Variants in TRPS1 observed in about 807,000 individuals in gnomAD.
TRPS1 encodes transcriptional repressor GATA binding 1.
TRPS1 carries 6 observed loss-of-function variants against 101.2 expected under a neutral mutation model. That is an observed-to-expected ratio of 0.06 (90% confidence interval 0.03 to 0.12). The LOEUF (loss-of-function observed/expected upper bound fraction) is 0.12, where lower values mean the gene tolerates loss of function less well. TRPS1 is among the 10% of genes least tolerant of loss of function. TRPS1 has a pLI of 1.00. For missense variants in TRPS1, 1,363 were observed against 1,567.0 expected (o/e 0.87, Z 2.20); for synonymous variants, 578 against 589.8 (o/e 0.98, Z 0.29).
intron 3 of TRPS1, among the ~76,000 whole-genome samples, chr8:115,609,113 C>T (rs1157651479): frequency 6.6e-6 from 1 of 152,136 alleles, no homozygotes; most frequent in Non-Finnish European, 1.5e-5. Flanking sequence ...TCACAAAATG[C>T]TGGGATTACG....
chr8:115,573,356 GC>G (rs1817248252), intron 5 of TRPS1, among the ~76,000 whole-genome samples: 1 of 152,088 alleles, frequency 6.6e-6, no homozygotes, highest in South Asian at 2.1e-4. Flanking sequence ...GTAAAGCCTT[GC>G]CCATAGTTAG....
intron 5 of TRPS1, among the ~76,000 whole-genome samples, chr8:115,578,073 C>A (rs1399885107): frequency 6.6e-6 from 1 of 152,168 alleles, no homozygotes; most frequent in Non-Finnish European, 1.5e-5. Flanking sequence ...AAATCAATTT[C>A]TCTAAAGAAT....
At chr8:115,518,060 C>CT (rs1586356153) in intron 5 of TRPS1, among the ~76,000 whole-genome samples, 1 of 208 alleles carries the variant, frequency 4.8e-3, no homozygotes, top group Non-Finnish European at 9.4e-3. Context: ...AGGTCATATC[C>CT]CAGAAGAACT....
intron 5 of TRPS1, among the ~76,000 whole-genome samples, chr8:115,521,814 T>A (rs1815869625): frequency 6.6e-6 from 1 of 152,032 alleles, no homozygotes; most frequent in African/African-American, 2.4e-5. Context: ...CAAACTACTA[T>A]GACATTTTTT....
intron 5 of TRPS1, among the ~76,000 whole-genome samples, chr8:115,521,740 A>G (rs1304615036): frequency 6.6e-6 from 1 of 151,950 alleles, no homozygotes; most frequent in Admixed American, 6.6e-5. Context: ...TTTGTAGAAG[A>G]TACAACCTCA....
At chr8:115,593,679 C>T (rs1365769484) in intron 4 of TRPS1, among the ~76,000 whole-genome samples, 1 of 152,126 alleles carries the variant, frequency 6.6e-6, no homozygotes, top group African/African-American at 2.4e-5. Flanking sequence ...TTGGACTCTC[C>T]TCCAACCTAC....
intron 5 of TRPS1, among the ~76,000 whole-genome samples, chr8:115,484,421 C>A (rs1814829073): frequency 6.6e-6 from 1 of 152,022 alleles, no homozygotes; most frequent in African/African-American, 2.4e-5. Context: ...AATATCATGT[C>A]CCCATGATAG....
At chr8:115,623,314 A>G (rs886261333) in intron 2 of TRPS1, among the ~76,000 whole-genome samples, 7 of 152,068 alleles carry the variant, frequency 4.6e-5, no homozygotes, top group Non-Finnish European at 7.4e-5. Context: ...TTTTAAAAAA[A>G]TGTGCTTAAT....
intron 5 of TRPS1, among the ~76,000 whole-genome samples, chr8:115,514,438 C>T (rs1408715145): frequency 6.6e-6 from 1 of 151,528 alleles, no homozygotes; most frequent in East Asian, 1.9e-4. Context: ...ATCACTATAC[C>T]TCTTTTATTA....
chr8:115,494,496 G>A (rs1325064792), intron 5 of TRPS1, among the ~76,000 whole-genome samples: 1 of 152,188 alleles, frequency 6.6e-6, no homozygotes, highest in Non-Finnish European at 1.5e-5. Context: ...AAGAGGGTAG[G>A]AGCTAAGAGA....
rs373692492 is a variant in TRPS1, at chr8:115,459,248, C to T, written c.2701-40796G>A. 4.5e-4 allele frequency among the ~76,000 whole-genome samples: 69 copies of T among 152,082 alleles called. 1 individual carries two copies. In the South Asian group the frequency reaches 0.012, roughly 28 times the overall value. On this transcript the variant is annotated intron_variant, in intron 5 of 6. Coordinates refer to ENST00000395715, the MANE Select transcript of TRPS1 (RefSeq NM_014112.5). The stretch of plus-strand genomic sequence containing the variant: ...CAGCTACAGAAGAATGGTGTGAACC[C>T]GGGAGGCGGAGCTTGCAGTGAGCAG...
chr8:115,555,332 G>A (rs1161933432), intron 5 of TRPS1, among the ~76,000 whole-genome samples: 2 of 151,906 alleles, frequency 1.3e-5, no homozygotes, highest in East Asian at 1.9e-4. Context: ...GTAGGAGTAT[G>A]TAAGGTAAAT....
chr8:115,502,311 A>G (rs1022475588), intron 5 of TRPS1, among the ~76,000 whole-genome samples: 1 of 152,194 alleles, frequency 6.6e-6, no homozygotes, highest in African/African-American at 2.4e-5. Flanking sequence ...TGCTTAAAAC[A>G]GATGAGAAAA....
At chr8:115,538,644 T>C (rs925328012) in intron 5 of TRPS1, among the ~76,000 whole-genome samples, 1 of 152,164 alleles carries the variant, frequency 6.6e-6, no homozygotes, top group Non-Finnish European at 1.5e-5. Flanking sequence ...GCATTCATTT[T>C]TCTGTGACCA....
chr8:115,609,261 T>A (rs572278900), intron 3 of TRPS1, among the ~76,000 whole-genome samples: 4 of 152,190 alleles, frequency 2.6e-5, no homozygotes, highest in Non-Finnish European at 5.9e-5. Context: ...AAGTAAATTT[T>A]TCCTGCAAAT....
intron 5 of TRPS1, among the ~76,000 whole-genome samples, chr8:115,505,567 C>G (rs1175883081): frequency 1.3e-5 from 2 of 152,026 alleles, no homozygotes; most frequent in Admixed American, 1.3e-4. Flanking sequence ...AATTATAAAG[C>G]CTTCTGGTTT....
intron 5 of TRPS1, among the ~76,000 whole-genome samples, chr8:115,507,394 C>G (rs1393110119): frequency 6.6e-6 from 1 of 152,068 alleles, no homozygotes; most frequent in African/African-American, 2.4e-5. Context: ...GCTGCCAATT[C>G]TGGTTGTCTA....
rs552697348 is a variant in TRPS1, at chr8:115,626,128, G to C, written c.-121-2370C>G. Among the ~76,000 whole-genome samples, 6 of 151,474 alleles carry C rather than the reference G, an allele frequency of 4.0e-5. No individual in the cohort carries two copies. The South Asian group carries it at 8.3e-4, about 21-fold the overall frequency. ...AAAAGAAAGAAAAAATGTTTCTTTT[G>C]ATCAAAAGTCCCCACAAAGAATTTA... is the stretch of plus-strand genomic sequence containing the variant. On this transcript the variant is annotated intron_variant, in intron 1 of 6. Transcript: ENST00000395715.
At chr8:115,530,167 T>C (rs1816096164) in intron 5 of TRPS1, among the ~76,000 whole-genome samples, 1 of 152,174 alleles carries the variant, frequency 6.6e-6, no homozygotes, top group Non-Finnish European at 1.5e-5. Flanking sequence ...GGCCTGACTT[T>C]TAATGTCATG....
Sources: gnomAD v4.1 joint callset for allele counts (sites outside exome capture counted in the v4.1 genomes callset) on GRCh38, gnomAD v4.1.1 for gene constraint, MANE v1.5 for transcripts, NCBI Gene and HGNC (gene_info 2026-07-23, HGNC 2026-07-21) for gene names.